Variants in YAF2 observed in about 807,000 individuals in gnomAD.
YAF2 encodes the protein YY1-associated factor 2.
A neutral mutation model predicts 20.1 loss-of-function variants in YAF2; 7 were observed. That is an observed-to-expected ratio of 0.35 (90% CI 0.20 to 0.65). The LOEUF (loss-of-function observed/expected upper bound fraction) is 0.65, where lower values mean the gene tolerates loss of function less well. Ranked by LOEUF, YAF2 falls within the 30% of genes least tolerant of loss-of-function variation. YAF2 has a pLI of 0.69. For missense variants in YAF2, 151 were observed against 219.2 expected, an observed-to-expected ratio of 0.69 and a Z score of 1.96; for synonymous variants, 74 against 76.0, an observed-to-expected ratio of 0.97 and a Z score of 0.14.
intron 2 of YAF2, among the ~76,000 whole-genome samples, chr12:42,203,704 C>T (rs2066962412): frequency 1.3e-5 from 2 of 152,226 alleles, no homozygotes; most frequent in East Asian, 1.9e-4. Context: ...GTCCTAAACT[C>T]CTATCCCAAT....
At chr12:42,204,415 T>C (rs1468954057) in intron 2 of YAF2, among the ~76,000 whole-genome samples, 1 of 152,234 alleles carries the variant, frequency 6.6e-6, no homozygotes, top group African/African-American at 2.4e-5. Flanking sequence ...CAGACTTTTT[T>C]CCCTTGTCAT....
At chr12:42,227,371 C>T (rs1422708662) in intron 2 of YAF2, among the ~76,000 whole-genome samples, 1 of 72,482 alleles carries the variant, frequency 1.4e-5, no homozygotes, top group Non-Finnish European at 2.4e-5. Flanking sequence ...TCCGCCCGGC[C>T]GCCATCCCAT....
At chr12:42,235,502 G>A in intron 2 of YAF2, 1 of 1,268,270 alleles carries the variant, frequency 7.9e-7, no homozygotes, top group Non-Finnish European at 1.0e-6. Flanking sequence ...GAAAATAACA[G>A]ATAACAGAGA....
chr12:42,235,429 A>T, intron 2 of YAF2: 1 of 1,088,538 alleles, frequency 9.2e-7, no homozygotes, highest in Non-Finnish European at 1.1e-6. Context: ...TCTAGTAACA[A>T]TACCCTGTTC....
rs571129514 is a variant in YAF2 at position 42,227,764 on chromosome 12, C to T, written c.152+9835G>A. On this transcript the variant is annotated intron_variant, in intron 2 of 3. Coordinates refer to ENST00000534854, the MANE Select transcript of YAF2 (RefSeq NM_005748.6). ...GAGGGAGGTGGGGGGGTCAGCCCCC[C>T]GCCTGGCCAGCGTGCTGTCCGGGAG... Among the ~76,000 whole-genome samples the T allele has an allele frequency of 5.6e-3, 806 of 144,784 alleles. 16 individuals carry two copies. The highest frequency in any genetic ancestry group is 0.02 in the African/African-American group (757 of 38,308). The allele number at this position is 144,784 out of a possible 152,430, so 95.0% of individuals were successfully genotyped here.
chr12:42,232,868 G>A, intron 2 of YAF2: 1 of 985,206 alleles, frequency 1.0e-6, no homozygotes, highest in Non-Finnish European at 1.2e-6. Context: ...ACTGTGTTCA[G>A]TTATAAACAA....
chr12:42,228,767 C>T (rs1592059833), intron 2 of YAF2, among the ~76,000 whole-genome samples: 2 of 58,690 alleles, frequency 3.4e-5, no homozygotes, highest in Admixed American at 1.3e-4. Flanking sequence ...CCCGGCCAGC[C>T]GCCCCGTCCG....
Position 42,160,824 on chromosome 12 carries a change from G to T in YAF2, c.308C>A (p.Pro103Gln), listed in dbSNP as rs2065783039. ...SKKNSHKKTR[P>Q]RLKNVDRSSA... Reference sequence around the variant, plus strand: ...ACTCCGATCCACATTTTTCAATCTTGGCCTAAACATAAAAAAATGAAATTT... The same window carrying T: ...ACTCCGATCCACATTTTTCAATCTTTGCCTAAACATAAAAAAATGAAATTT... The change falls in exon 4 of 4, where the codon CCA becomes CAA. Residue 103 changes from proline to glutamine, a missense_variant and splice_region_variant. This residue lies in a region of YAF2 where 50 missense variants were observed against 112.0 expected (regional missense o/e 0.45). Coordinates refer to ENST00000534854, the MANE Select transcript of YAF2 (RefSeq NM_005748.6). The T allele has an allele frequency of 6.3e-7, 1 of 1,590,254 alleles. No individual in the cohort carries two copies. The highest frequency in any genetic ancestry group is 1.7e-4 in the Middle Eastern group (1 of 5,962).
At chr12:42,180,418 T>C (rs935474445) in intron 2 of YAF2, among the ~76,000 whole-genome samples, 1 of 152,116 alleles carries the variant, frequency 6.6e-6, no homozygotes, top group African/African-American at 2.4e-5. Context: ...GCCACCTGAA[T>C]AAGCCTGGAA....
chr12:42,162,706 G>C (rs538225009), intron 2 of YAF2, among the ~76,000 whole-genome samples: 1 of 152,104 alleles, frequency 6.6e-6, no homozygotes, highest in Non-Finnish European at 1.5e-5. Context: ...TCTATGGCAA[G>C]ACAACATAAA....
intron 2 of YAF2, among the ~76,000 whole-genome samples, chr12:42,179,545 A>T (rs1241262186): frequency 6.6e-6 from 1 of 152,160 alleles, no homozygotes; most frequent in Non-Finnish European, 1.5e-5. Flanking sequence ...AGTTTTCTAA[A>T]AATAGAAATT....
intron 2 of YAF2, among the ~76,000 whole-genome samples, chr12:42,221,552 CTA>C (rs1565649113): frequency 6.6e-6 from 1 of 152,124 alleles, no homozygotes; most frequent in East Asian, 1.9e-4. Flanking sequence ...GAGCAAGACT[CTA>C]TCTCTTTAAA....
intron 2 of YAF2, chr12:42,234,094 C>T (rs1044245441): frequency 4.9e-5 from 34 of 700,894 alleles, no homozygotes; most frequent in Non-Finnish European, 5.8e-5. Flanking sequence ...TTGCTTGAAC[C>T]TGGGAGGTGG....
At chr12:42,191,646 A>G (rs1237396420) in intron 2 of YAF2, among the ~76,000 whole-genome samples, 2 of 152,136 alleles carry the variant, frequency 1.3e-5, no homozygotes, top group African/African-American at 4.8e-5. Flanking sequence ...AGCACCTACT[A>G]TGTGCCAAGC....
chr12:42,169,176 A>T (rs1189460360), intron 2 of YAF2, among the ~76,000 whole-genome samples: 1 of 152,136 alleles, frequency 6.6e-6, no homozygotes, highest in Non-Finnish European at 1.5e-5. Flanking sequence ...GTATGCCAAA[A>T]CCAAAAGACA....
At chr12:42,231,823 T>A (rs1189375033) in intron 2 of YAF2, 2 of 152,216 alleles carry the variant, frequency 1.3e-5, no homozygotes, top group Non-Finnish European at 2.9e-5. Context: ...AATTTTCACT[T>A]GAATGATTAT....
At chr12:42,227,790 G>A (rs1335961948) in intron 2 of YAF2, among the ~76,000 whole-genome samples, 1 of 148,950 alleles carries the variant, frequency 6.7e-6, no homozygotes, top group Non-Finnish European at 1.5e-5. Context: ...TGTCCGGGAG[G>A]GAGGTGGGGG....
intron 2 of YAF2, among the ~76,000 whole-genome samples, chr12:42,170,090 T>C (rs2066008850): frequency 6.6e-6 from 1 of 152,024 alleles, no homozygotes; most frequent in South Asian, 2.1e-4. Flanking sequence ...CAGGCTAGTC[T>C]CAAACTCCTG....
chr12:42,210,636 A>G (rs1413135139), intron 2 of YAF2: 1 of 1,535,978 alleles, frequency 6.5e-7, no homozygotes, highest in Non-Finnish European at 8.7e-7. Context: ...AGATTACCCA[A>G]TAGGAGAACT....
Sources: gnomAD v4.1 joint callset for allele counts (sites outside exome capture counted in the v4.1 genomes callset) on GRCh38, gnomAD v4.1.1 for gene constraint, gnomAD v4.1.1 regional missense constraint, MANE v1.5 for transcripts, NCBI Gene and HGNC (gene_info 2026-07-23, HGNC 2026-07-21) for gene names.